The following SLC29A4 variants were observed in gnomAD, a reference collection of about 807,000 sequenced individuals.
SLC29A4 encodes the protein solute carrier family 29 member 4.
SLC29A4 carries 36 observed loss-of-function variants against 43.9 expected under a neutral mutation model. The ratio of observed to expected loss-of-function variants is 0.82; its 90% CI spans 0.63 to 1.08. SLC29A4 has a LOEUF of 1.08. Among genes scored for constraint, SLC29A4 ranks in the 50% least tolerant of loss-of-function variants. The pLI, the probability that SLC29A4 is intolerant of heterozygous loss-of-function variation, is 0.00. For synonymous variants in SLC29A4, 491 were observed against 338.0 expected (o/e 1.45, Z -4.97); for missense variants, 869 against 755.3 (o/e 1.15, Z -1.77).
chr7:5,299,234 C>G lies in SLC29A4; in HGVS notation c.1022-6C>G, dbSNP rs746701846. 1 of 1,610,598 alleles carries G rather than the reference C, an allele frequency of 6.2e-7. No homozygotes were observed. The highest frequency in any genetic ancestry group is 1.1e-5 in the South Asian group (1 of 90,844). On this transcript the variant is annotated splice_polypyrimidine_tract_variant and splice_region_variant and intron_variant, in intron 8 of 10. Coordinates refer to ENST00000396872, the MANE Select transcript of SLC29A4 (RefSeq NM_153247.4). The stretch of plus-strand genomic sequence containing the variant: ...CTGCCTCTGACCCCCGCCCGCCACC[C>G]TCCAGCCCTGTTACTGCACCGCTAC...
intron 2 of SLC29A4, among the ~76,000 whole-genome samples, chr7:5,289,115 G>A (rs1181252834): frequency 6.6e-6 from 1 of 152,192 alleles, no homozygotes; most frequent in African/African-American, 2.4e-5. Context: ...CCTGGGCTAA[G>A]GCTCGGCACG....
Position 5,303,398 on chromosome 7 carries a change from CTG to C in SLC29A4, c.*460_*461del, listed in dbSNP as rs1391087125. 5.0e-6 allele frequency: 1 copy of C among 198,854 alleles called. No homozygotes were observed. Among genetic ancestry groups the C allele is most frequent in the East Asian group, 1.7e-4 (1 of 5,876 alleles). The allele number at this position is 198,854 out of a possible 1,614,324, so 12.3% of individuals were successfully genotyped here. A position where few individuals can be genotyped will look rare whatever the true frequency, so the allele number is the denominator to read the frequency against. On this transcript the variant is annotated 3_prime_UTR_variant, in exon 11 of 11. Coordinates refer to ENST00000396872, the MANE Select transcript of SLC29A4 (RefSeq NM_153247.4). ...CACCAGGGACCCCTCCTCATGAACT[CTG>C]GAGCCCTGAGAGGAGAGGGGCAGCC...
intron 5 of SLC29A4, 31 bp from the exon 6 acceptor site, chr7:5,294,829 C>T (rs753467283): frequency 1.9e-6 from 3 of 1,570,130 alleles, no homozygotes; most frequent in Non-Finnish European, 2.6e-6. Flanking sequence ...ATAATGGTGC[C>T]TCTGGGTTGT....
chr7:5,295,895 A>C (rs779542471), intron 6 of SLC29A4, among the ~76,000 whole-genome samples: 2 of 152,118 alleles, frequency 1.3e-5, no homozygotes, highest in Non-Finnish European at 2.9e-5. Flanking sequence ...AGGGCCGCGC[A>C]GAAAAGACAT....
rs183622280 is a variant in SLC29A4, at chr7:5,292,995, C to T, written c.544+1174C>T. On this transcript the variant is annotated intron_variant, in intron 5 of 10. Transcript: ENST00000396872. Reference sequence around the variant, plus strand: ...ATTACAGGCGTGAGCCACCGCACCCCGCCCCGATAATGTTCTTTATAGCAT... The same window carrying T: ...ATTACAGGCGTGAGCCACCGCACCCTGCCCCGATAATGTTCTTTATAGCAT... Among the ~76,000 whole-genome samples, 400 of 150,588 alleles carry T rather than the reference C, an allele frequency of 2.7e-3. 3 individuals are homozygous for T. Among genetic ancestry groups the T allele is most frequent in the African/African-American group, 8.2e-3 (335 of 41,084 alleles).
Position 5,299,397 on chromosome 7 carries a change from T to C in SLC29A4, c.1179T>C (p.Ala393=). 1.9e-6 allele frequency: 3 copies of C among 1,612,210 alleles called. No individual in the cohort carries two copies. Among genetic ancestry groups the C allele is most frequent in the Non-Finnish European group, 2.5e-6 (3 of 1,179,732 alleles). Residue 393 remains alanine, a synonymous_variant, in exon 9 of 11, where the codon GCT becomes GCC. Coordinates refer to ENST00000396872, the MANE Select transcript of SLC29A4 (RefSeq NM_153247.4). ...AGTGGCTGCCCATCCTCATCATGGC[T>C]GTGTTCAACCTGTCAGACTTCGTGG... ...LGEWLPILIM[A]VFNLSDFVGK...
chr7:5,303,794 C>T lies in SLC29A4; in HGVS notation c.*855C>T, dbSNP rs1432200933. ...CATCCAGCAAGGGACTCGACAGACC[C>T]AAGGGTCCCTGGAACGTAGGGAGGG... On this transcript the variant is annotated 3_prime_UTR_variant, in exon 11 of 11. Coordinates refer to ENST00000396872, the MANE Select transcript of SLC29A4 (RefSeq NM_153247.4). 6.6e-6 allele frequency: 1 copy of T among 152,272 alleles called. No homozygotes were observed. The highest frequency in any genetic ancestry group is 2.4e-5 in the African/African-American group (1 of 41,464). The allele number at this position is 152,272 out of a possible 1,614,324, so 9.4% of individuals were successfully genotyped here. A position where few individuals can be genotyped will look rare whatever the true frequency, so the allele number is the denominator to read the frequency against.
Position 5,306,275 on chromosome 7 carries a change from A to C in SLC29A4, c.*3336A>C, listed in dbSNP as rs1272693905. ...AGTGGTGCGATCTCAACTCACTGCAACCTCCACCCGCCGGGTCCCTGTGAT... is the reference window on the plus strand; with the variant it reads ...AGTGGTGCGATCTCAACTCACTGCACCCTCCACCCGCCGGGTCCCTGTGAT... On this transcript the variant is annotated 3_prime_UTR_variant, in exon 11 of 11. Coordinates refer to ENST00000396872, the MANE Select transcript of SLC29A4 (RefSeq NM_153247.4). 8.1e-5 allele frequency: 10 copies of C among 122,794 alleles called. No homozygotes were observed. The highest frequency in any genetic ancestry group is 3.3e-4 in the African/African-American group (10 of 30,674). 7.6% of individuals were successfully genotyped at this position (122,794 alleles called of 1,614,324 possible). A position where few individuals can be genotyped will look rare whatever the true frequency, so the allele number is the denominator to read the frequency against.
Position 5,284,038 on chromosome 7 carries a change from CCCCCCA to C in SLC29A4, c.-9+962_-9+967del, listed in dbSNP as rs780736476. On this transcript the variant is annotated intron_variant, in intron 1 of 10. Coordinates refer to ENST00000396872, the MANE Select transcript of SLC29A4 (RefSeq NM_153247.4). ...CTCCAGTCTGAGCTGCACGACCCCC[CCCCCCA>C]CCCCCGACTTGGCCTCTCTGTGCCT... is the stretch of plus-strand genomic sequence containing the variant. Among the ~76,000 whole-genome samples, 306 of 108,350 alleles carry C rather than the reference CCCCCCA, an allele frequency of 2.8e-3. 5 individuals carry two copies. The highest frequency in any genetic ancestry group is 7.4e-3 in the South Asian group (18 of 2,424). 71.1% of individuals were successfully genotyped at this position (108,350 alleles called of 152,430 possible).
Position 5,299,236 on chromosome 7 carries a change from C to G in SLC29A4, c.1022-4C>G, listed in dbSNP as rs770833537. ...GCCTCTGACCCCCGCCCGCCACCCT[C>G]CAGCCCTGTTACTGCACCGCTACGT... On this transcript the variant is annotated splice_polypyrimidine_tract_variant and splice_region_variant and intron_variant, in intron 8 of 10. Transcript: ENST00000396872. 2.0e-5 allele frequency: 32 copies of G among 1,610,746 alleles called. 1 individual carries two copies. The South Asian group carries it at 3.4e-4, about 17-fold the overall frequency.
chr7:5,288,077 T>A, intron 2 of SLC29A4, 92 bp downstream of exon 2: 1 of 1,447,366 alleles, frequency 6.9e-7, no homozygotes, highest in African/African-American at 1.4e-5. Context: ...CGGGGAGCCA[T>A]GGGTGGTCAT....
At position 5,287,792 on chromosome 7, in the gene SLC29A4, T is replaced by G. The variant is rs749983424; in HGVS notation, c.-8-17T>G. ...GCCTTCTTCCCTCACCTGCTCTCTCTGCTTTCTCCAAAGCAGAGGCTGCCA... is the reference window on the plus strand; with the variant it reads ...GCCTTCTTCCCTCACCTGCTCTCTCGGCTTTCTCCAAAGCAGAGGCTGCCA... On this transcript the variant is annotated splice_polypyrimidine_tract_variant and intron_variant, in intron 1 of 10. Coordinates refer to ENST00000396872, the MANE Select transcript of SLC29A4 (RefSeq NM_153247.4). 6.2e-7 allele frequency: 1 copy of G among 1,606,850 alleles called. No individual in the cohort carries two copies. The highest frequency in any genetic ancestry group is 1.1e-5 in the South Asian group (1 of 90,446).
Position 5,299,031 on chromosome 7 carries a change from A to C in SLC29A4, c.926A>C (p.Asp309Ala), listed in dbSNP as rs1405563705. ...CTGGCCCCCAACGAGTCCCCAAAGG[A>C]CAGCCCAGCCCACGAGGTGACCGGC... ...PALAPNESPKDSPAHEVTGSG... is the reference protein window; with the variant it reads ...PALAPNESPKASPAHEVTGSG... Residue 309 changes from aspartate to alanine, a missense_variant, in exon 8 of 11, where the codon GAC (aspartate) becomes GCC (alanine). Transcript: ENST00000396872. 8 of 1,611,758 alleles carry C rather than the reference A, an allele frequency of 5.0e-6. No individual in the cohort carries two copies. Among genetic ancestry groups the C allele is most frequent in the Non-Finnish European group, 5.9e-6 (7 of 1,179,848 alleles).
At chr7:5,300,780 G>A (rs1357070091) in intron 10 of SLC29A4, 118 bp downstream of exon 10, 45 of 1,376,220 alleles carry the variant, frequency 3.3e-5, no homozygotes, top group Non-Finnish European at 2.2e-5. Flanking sequence ...GTTCAGAACA[G>A]TCAGTGTCTG....
At chr7:5,295,518 C>T (rs563299942) in intron 6 of SLC29A4, among the ~76,000 whole-genome samples, 2 of 152,232 alleles carry the variant, frequency 1.3e-5, no homozygotes, top group Admixed American at 1.3e-4. Context: ...TAGGTCTGTC[C>T]CCTGGCCTCC....
chr7:5,287,882 A>G lies in SLC29A4; in HGVS notation c.66A>G (p.Val22=). Residue 22 remains valine, a synonymous_variant, in exon 2 of 11, where the codon GTA becomes GTG. Transcript: ENST00000396872. ...TGGCAGGCACACCAGACCCGGGCGT[A>G]GTGATGAGCTTCACCTTCGACAGTC... ...PSVAGTPDPG[V]VMSFTFDSHQ... The G allele has an allele frequency of 6.2e-7, 1 of 1,612,016 alleles. No individual in the cohort carries two copies. The highest frequency in any genetic ancestry group is 8.5e-7 in the Non-Finnish European group (1 of 1,179,842).
chr7:5,303,067 T>TC lies in SLC29A4; in HGVS notation c.*131dup, dbSNP rs1160303584. ...CCTCCCCCTGTGCCAGCAGCCCCAC[T>TC]CCCTCAGGGTCCAGCCATGCCCCAC... On this transcript the variant is annotated 3_prime_UTR_variant, in exon 11 of 11. Coordinates refer to ENST00000396872, the MANE Select transcript of SLC29A4 (RefSeq NM_153247.4). 7 of 1,115,674 alleles carry TC rather than the reference T, an allele frequency of 6.3e-6. No homozygotes were observed. The African/African-American group carries it at 1.1e-4, about 18-fold the overall frequency. The allele number at this position is 1,115,674 out of a possible 1,614,324, so 69.1% of individuals were successfully genotyped here.
rs778675832 is a variant in SLC29A4, at chr7:5,287,810, G to A, written c.-7G>A. 7.1e-5 allele frequency: 114 copies of A among 1,610,054 alleles called. No homozygotes were observed. The East Asian group carries it at 1.5e-3, about 21-fold the overall frequency. On this transcript the variant is annotated splice_region_variant and 5_prime_UTR_variant, in exon 2 of 11. Coordinates refer to ENST00000396872, the MANE Select transcript of SLC29A4 (RefSeq NM_153247.4). ...CTCTCTCTGCTTTCTCCAAAGCAGAGGCTGCCATGGGCTCCGTGGGGAGCC... is the reference window on the plus strand; with the variant it reads ...CTCTCTCTGCTTTCTCCAAAGCAGAAGCTGCCATGGGCTCCGTGGGGAGCC...
intron 10 of SLC29A4, among the ~76,000 whole-genome samples, chr7:5,301,070 G>A: frequency 6.6e-6 from 1 of 152,108 alleles, no homozygotes; most frequent in East Asian, 1.9e-4. Flanking sequence ...ACCAGCCTGG[G>A]CAACACAGTG....
Sources: gnomAD v4.1 joint callset for allele counts (sites outside exome capture counted in the v4.1 genomes callset) on GRCh38, gnomAD v4.1.1 for gene constraint, MANE v1.5 for transcripts, NCBI Gene and HGNC (gene_info 2026-07-23, HGNC 2026-07-21) for gene names.